The following TP63 variants were observed in gnomAD, a reference collection of about 807,000 sequenced individuals.
TP63 encodes the protein tumor protein p63.
A neutral mutation model predicts 82.8 loss-of-function variants in TP63; 17 were observed. The observed-to-expected ratio is 0.21, with a 90% confidence interval of 0.14 to 0.31. TP63 has a LOEUF of 0.31. Among genes scored for constraint, TP63 ranks in the 10% least tolerant of loss-of-function variants. The pLI is 1.00. For synonymous variants in TP63, 330 were observed against 321.7 expected, an observed-to-expected ratio of 1.03 and a Z score of -0.28; for missense variants, 648 against 895.3, an observed-to-expected ratio of 0.72 and a Z score of 3.52.
At chr3:189,865,263 A>G (rs1717567834) in intron 5 of TP63, among the ~76,000 whole-genome samples, 1 of 152,216 alleles carries the variant, frequency 6.6e-6, no homozygotes, top group Non-Finnish European at 1.5e-5. Context: ...GAAGGCCTAG[A>G]GCATACTGTG....
chr3:189,632,425 G>A (rs1729518618), intron 1 of TP63, among the ~76,000 whole-genome samples: 1 of 152,102 alleles, frequency 6.6e-6, no homozygotes, highest in African/African-American at 2.4e-5. Flanking sequence ...AGCAGATTCT[G>A]CTCTCTCTGG....
intron 1 of TP63, among the ~76,000 whole-genome samples, chr3:189,690,664 A>C (rs987044540): frequency 1.1e-4 from 17 of 152,214 alleles, no homozygotes; most frequent in African/African-American, 4.1e-4. Context: ...CGGTAGAATA[A>C]GGAGAAATGA....
chr3:189,780,072 A>G (rs1724112898), intron 3 of TP63, among the ~76,000 whole-genome samples: 1 of 152,202 alleles, frequency 6.6e-6, no homozygotes, highest in Non-Finnish European at 1.5e-5. Flanking sequence ...TTACAAAAAA[A>G]AGCAAGAAGA....
intron 4 of TP63, among the ~76,000 whole-genome samples, chr3:189,822,730 G>A (rs1017571306): frequency 8.6e-5 from 13 of 151,928 alleles, no homozygotes; most frequent in Non-Finnish European, 1.5e-4. Flanking sequence ...AAAATGACTC[G>A]GACTCATGCT....
chr3:189,719,836 A>C (rs1384758582), intron 1 of TP63, among the ~76,000 whole-genome samples: 2 of 152,178 alleles, frequency 1.3e-5, no homozygotes, highest in African/African-American at 4.8e-5. Flanking sequence ...TTAAAAAGCA[A>C]ATTTCTTTCT....
At chr3:189,752,187 T>G (rs1272463430) in intron 3 of TP63, among the ~76,000 whole-genome samples, 1 of 152,196 alleles carries the variant, frequency 6.6e-6, no homozygotes, top group African/African-American at 2.4e-5. Flanking sequence ...TATCTATTTA[T>G]TTTTTGAGAC....
chr3:189,776,934 G>A (rs1255529260), intron 3 of TP63, among the ~76,000 whole-genome samples: 1 of 152,164 alleles, frequency 6.6e-6, no homozygotes, highest in Non-Finnish European at 1.5e-5. Flanking sequence ...CAATTCACAT[G>A]AAAGGCTTCC....
intron 10 of TP63, among the ~76,000 whole-genome samples, chr3:189,876,243 G>T (rs1390395939): frequency 6.6e-6 from 1 of 152,056 alleles, no homozygotes; most frequent in African/African-American, 2.4e-5. Context: ...TTCAGTTCAG[G>T]GGCATATGCT....
intron 10 of TP63, chr3:189,879,934 C>T: frequency 8.0e-7 from 1 of 1,256,392 alleles, no homozygotes; most frequent in Non-Finnish European, 1.0e-6. Flanking sequence ...ACAAAAATAG[C>T]TTTTCAGGCA....
At chr3:189,835,292 G>A (rs2108722429) in intron 4 of TP63, among the ~76,000 whole-genome samples, 1 of 152,254 alleles carries the variant, frequency 6.6e-6, no homozygotes, top group South Asian at 2.1e-4. Flanking sequence ...GGCTAAATGG[G>A]GAGAGAATAA....
chr3:189,766,958 C>G (rs1442164264), intron 3 of TP63, among the ~76,000 whole-genome samples: 2 of 152,120 alleles, frequency 1.3e-5, no homozygotes, highest in Non-Finnish European at 2.9e-5. Context: ...CACCCTGCAG[C>G]CTGGGAGTGA....
intron 4 of TP63, among the ~76,000 whole-genome samples, chr3:189,842,241 C>T (rs569787497): frequency 1.3e-5 from 2 of 151,768 alleles, no homozygotes; most frequent in South Asian, 2.1e-4. Context: ...AGAGAGAGAG[C>T]GCGTGTATGT....
the TP63 span, among the ~76,000 whole-genome samples, chr3:189,617,558 T>C: frequency 6.6e-6 from 1 of 152,168 alleles, no homozygotes; most frequent in Non-Finnish European, 1.5e-5. Flanking sequence ...TTTTCTGAGT[T>C]TTTTAGGGGT....
intron 1 of TP63, among the ~76,000 whole-genome samples, chr3:189,670,326 C>A (rs530005148): frequency 2.6e-5 from 4 of 151,946 alleles, no homozygotes; most frequent in African/African-American, 9.7e-5. Context: ...TTGAACCAAT[C>A]GATATTTGTA....
chr3:189,736,260 G>T (rs576396824), intron 1 of TP63, among the ~76,000 whole-genome samples: 176 of 151,466 alleles, frequency 1.2e-3, no homozygotes, highest in African/African-American at 4.0e-3. Context: ...TAAAAACATA[G>T]CATATAAGTT....
At chr3:189,695,302 G>T (rs1350769720) in intron 1 of TP63, among the ~76,000 whole-genome samples, 1 of 147,684 alleles carries the variant, frequency 6.8e-6, no homozygotes, top group Admixed American at 6.6e-5. Context: ...CTTTCAGTTA[G>T]TTCCTGTGTC....
intron 3 of TP63, among the ~76,000 whole-genome samples, chr3:189,757,751 C>A (rs1368875979): frequency 6.6e-6 from 1 of 152,178 alleles, no homozygotes; most frequent in Non-Finnish European, 1.5e-5. Flanking sequence ...CCAACCCTCA[C>A]CAGCAATCTC....
At chr3:189,771,318 ATATATTT>A (rs1723336206) in intron 3 of TP63, among the ~76,000 whole-genome samples, 1 of 137,656 alleles carries the variant, frequency 7.3e-6, no homozygotes, top group African/African-American at 2.7e-5. Flanking sequence ...ATAATATATT[ATATATTT>A]ATATATAATA....
intron 1 of TP63, among the ~76,000 whole-genome samples, chr3:189,737,250 G>C (rs1720660152): frequency 6.6e-6 from 1 of 151,970 alleles, no homozygotes; most frequent in Non-Finnish European, 1.5e-5. Context: ...GGTTATGGGA[G>C]GGATGACTAA....
Sources: gnomAD v4.1 joint callset for allele counts (sites outside exome capture counted in the v4.1 genomes callset) on GRCh38, gnomAD v4.1.1 for gene constraint, MANE v1.5 for transcripts, NCBI Gene and HGNC (gene_info 2026-07-23, HGNC 2026-07-21) for gene names.